The following RREB1 variants were observed in gnomAD, a reference collection of about 807,000 sequenced individuals.
RREB1 encodes ras responsive element binding protein 1.
A neutral mutation model predicts 117.8 loss-of-function variants in RREB1; 27 were observed. The observed-to-expected ratio is 0.23, with a 90% CI of 0.17 to 0.32. RREB1 has a LOEUF of 0.32. Among genes scored for constraint, RREB1 ranks in the 10% least tolerant of loss-of-function variants. The pLI, the probability that RREB1 is intolerant of heterozygous loss-of-function variation, is 1.00. For synonymous variants in RREB1, 1,298 were observed against 1,026.7 expected (o/e 1.26, Z -5.05); for missense variants, 2,577 against 2,378.2 (o/e 1.08, Z -1.74).
chr6:7,239,609 T>G (rs1231044288), intron 10 of RREB1, among the ~76,000 whole-genome samples: 1 of 152,216 alleles, frequency 6.6e-6, no homozygotes, highest in Non-Finnish European at 1.5e-5. Context: ...GGCTCACCCA[T>G]CTGTGCGTTT....
At chr6:7,206,717 G>A (rs922841259) in intron 6 of RREB1, among the ~76,000 whole-genome samples, 2 of 152,208 alleles carry the variant, frequency 1.3e-5, no homozygotes. Flanking sequence ...AGTAGGGTGT[G>A]GGGCCTCAGG....
At chr6:7,172,758 G>C (rs1764284947) in intron 1 of RREB1, among the ~76,000 whole-genome samples, 1 of 151,954 alleles carries the variant, frequency 6.6e-6, no homozygotes, top group Non-Finnish European at 1.5e-5. Flanking sequence ...CCTAAGCCAA[G>C]AAACACATCA....
At chr6:7,115,432 G>A (rs1307944952) in intron 1 of RREB1, among the ~76,000 whole-genome samples, 3 of 147,264 alleles carry the variant, frequency 2.0e-5, no homozygotes, top group African/African-American at 2.5e-5. Flanking sequence ...GACAGAGATC[G>A]AATTCCAGAA....
In RREB1 at chr6:7,230,174, C is replaced by T. The variant is rs756773469; in HGVS notation, c.2075C>T (p.Thr692Met). The change falls in exon 10 of 13, where the codon ACG becomes ATG. Residue 692 changes from threonine to methionine, a missense_variant. Physicochemically the swap from Thr to Met is moderately conservative, Grantham distance 81 (BLOSUM62 -1). Coordinates refer to ENST00000379938, the MANE Select transcript of RREB1 (RefSeq NM_001003699.4). ...GCCGCGCTCATCCGCCACCTGCGCA[C>T]GCACAGTGGGGAGCGGCCCTACATT... ...DKAALIRHLRTHSGERPYICK... is the reference protein window; with the variant it reads ...DKAALIRHLRMHSGERPYICK... 1.2e-6 allele frequency: 2 copies of T among 1,607,060 alleles called. No homozygotes were observed. Among genetic ancestry groups the T allele is most frequent in the South Asian group, 1.1e-5 (1 of 91,078 alleles).
chr6:7,194,397 A>G (rs1263981474), intron 6 of RREB1, among the ~76,000 whole-genome samples: 1 of 152,134 alleles, frequency 6.6e-6, no homozygotes, highest in African/African-American at 2.4e-5. Flanking sequence ...TAAAAATACA[A>G]AAAATTAGCC....
chr6:7,187,452 T>C lies in RREB1; in HGVS notation c.190T>C (p.Ser64Pro). 6.2e-7 allele frequency: 1 copy of C among 1,603,734 alleles called. No individual in the cohort carries two copies. The highest frequency in any genetic ancestry group is 8.5e-7 in the Non-Finnish European group (1 of 1,172,586). The change falls in exon 5 of 13, where the codon TCT becomes CCT. Residue 64 changes from serine (S) to proline (P), a missense_variant. Ser to Pro is a moderately conservative substitution (Grantham distance 74, BLOSUM62 -1). Transcript: ENST00000379938. ...RRNQETKEEK[S>P]SYNCPLCEKI... Reference sequence around the variant, plus strand: ...TTTTTAGGAAACGAAAGAGGAGAAGTCTTCCTATAACTGCCCCCTGTGTGA... The same window carrying C: ...TTTTTAGGAAACGAAAGAGGAGAAGCCTTCCTATAACTGCCCCCTGTGTGA...
At chr6:7,239,572 G>C (rs1028996389) in intron 10 of RREB1, among the ~76,000 whole-genome samples, 1 of 152,252 alleles carries the variant, frequency 6.6e-6, no homozygotes, top group Non-Finnish European at 1.5e-5. Context: ...GCAGACCAAA[G>C]CAGGAGGGGA....
At chr6:7,132,837 G>T (rs1391212613) in intron 1 of RREB1, among the ~76,000 whole-genome samples, 3 of 152,022 alleles carry the variant, frequency 2.0e-5, no homozygotes, top group Non-Finnish European at 4.4e-5. Context: ...GACTGTGTTT[G>T]TTGTGGTTGG....
chr6:7,165,189 G>C (rs750524222), intron 1 of RREB1, among the ~76,000 whole-genome samples: 17 of 152,186 alleles, frequency 1.1e-4, no homozygotes, highest in South Asian at 2.1e-4. Flanking sequence ...AAGAGGCTCT[G>C]GAGGCAAATA....
In RREB1 at chr6:7,138,651, G is replaced by A. The variant is rs145977721; in HGVS notation, c.-285+30591G>A. Among the ~76,000 whole-genome samples the A allele has an allele frequency of 5.3e-4, 81 of 152,218 alleles. 1 individual carries two copies. The highest frequency in any genetic ancestry group is 1.4e-3 in the Admixed American group (22 of 15,290). On this transcript the variant is annotated intron_variant, in intron 1 of 12. Transcript: ENST00000379938. ...ATTGACAGTTTTCTAGCTCACACTC[G>A]TATTTCTTTATTAATACCAGAAATT... is the stretch of plus-strand genomic sequence containing the variant.
rs1769316495 is a variant in RREB1, at chr6:7,249,434, A to C, written c.*466A>C. ...GGTACCCATAGCCAATAACTGGAAG[A>C]AAATGATGTGAATTTCATGTAAATG... On this transcript the variant is annotated 3_prime_UTR_variant, in exon 13 of 13. Coordinates refer to ENST00000379938, the MANE Select transcript of RREB1 (RefSeq NM_001003699.4). 6.4e-6 allele frequency: 1 copy of C among 157,448 alleles called. No individual in the cohort carries two copies. Among genetic ancestry groups the C allele is most frequent in the African/African-American group, 2.4e-5 (1 of 41,726 alleles). 9.8% of individuals were successfully genotyped at this position (157,448 alleles called of 1,614,324 possible).
At chr6:7,122,259 A>AT (rs1312502810) in intron 1 of RREB1, among the ~76,000 whole-genome samples, 1 of 151,602 alleles carries the variant, frequency 6.6e-6, no homozygotes, top group African/African-American at 2.4e-5. Flanking sequence ...TCTCTCTCTC[A>AT]TTTTTTTTCT....
chr6:7,165,848 C>T (rs1763903383), intron 1 of RREB1, among the ~76,000 whole-genome samples: 2 of 152,060 alleles, frequency 1.3e-5, no homozygotes, highest in Non-Finnish European at 2.9e-5. Flanking sequence ...AGTTTTCCTT[C>T]CTGTTCTTTG....
chr6:7,170,642 ATG>A (rs1764162551), intron 1 of RREB1, among the ~76,000 whole-genome samples: 2 of 152,124 alleles, frequency 1.3e-5, no homozygotes, highest in Non-Finnish European at 2.9e-5. Context: ...CCTACCTCTG[ATG>A]TGTGTTTGTT....
rs112617096 is a variant in RREB1 at position 7,142,369 on chromosome 6, C to T, written c.-284-34286C>T. Among the ~76,000 whole-genome samples, 705 of 152,304 alleles carry T rather than the reference C, an allele frequency of 4.6e-3. 2 individuals are homozygous for T. Among genetic ancestry groups the T allele is most frequent in the Non-Finnish European group, 6.4e-3 (438 of 68,020 alleles). ...GCGCTGCCCTCGGCACCACCGGGTG[C>T]GTCCCCCCGCAAAGCTGGACGCCCT... On this transcript the variant is annotated intron_variant, in intron 1 of 12. Transcript: ENST00000379938.
chr6:7,196,283 A>C (rs1378286000), intron 6 of RREB1, among the ~76,000 whole-genome samples: 1 of 135,494 alleles, frequency 7.4e-6, no homozygotes, highest in African/African-American at 2.9e-5. Context: ...GACTCTGAGG[A>C]CTACATCCTT....
intron 8 of RREB1, chr6:7,216,530 TTAG>T (rs1480255610): frequency 6.6e-6 from 1 of 152,240 alleles, no homozygotes; most frequent in Non-Finnish European, 1.5e-5. Context: ...TTCCTGTATC[TTAG>T]TAGTGGGGCC....
intron 2 of RREB1, among the ~76,000 whole-genome samples, chr6:7,178,914 C>G (rs781628673): frequency 4.6e-5 from 7 of 152,186 alleles, no homozygotes; most frequent in Non-Finnish European, 1.0e-4. Flanking sequence ...GGCTTTTCTC[C>G]TTTTCAAGTG....
chr6:7,249,364 C>A lies in RREB1; in HGVS notation c.*396C>A. 5.5e-6 allele frequency: 1 copy of A among 180,924 alleles called. No homozygotes were observed. Among genetic ancestry groups the A allele is most frequent in the South Asian group, 1.9e-4 (1 of 5,166 alleles). The allele number at this position is 180,924 out of a possible 1,614,324, so 11.2% of individuals were successfully genotyped here. On this transcript the variant is annotated 3_prime_UTR_variant, in exon 13 of 13. Coordinates refer to ENST00000379938, the MANE Select transcript of RREB1 (RefSeq NM_001003699.4). ...TGTTCTTGTGAATCTGTGATAGCACCGTTTGTTCTGTGAGCTGGAAACAGA... is the reference window on the plus strand; with the variant it reads ...TGTTCTTGTGAATCTGTGATAGCACAGTTTGTTCTGTGAGCTGGAAACAGA...
Sources: gnomAD v4.1 joint callset for allele counts (sites outside exome capture counted in the v4.1 genomes callset) on GRCh38, gnomAD v4.1.1 for gene constraint, MANE v1.5 for transcripts, NCBI Gene and HGNC (gene_info 2026-07-23, HGNC 2026-07-21) for gene names.